Variants in CPVL observed in about 807,000 individuals in gnomAD.
The protein encoded by CPVL is probable serine carboxypeptidase CPVL.
In CPVL, 51 loss-of-function variants were observed where a neutral mutation model predicts 63.7. The observed-to-expected ratio is 0.80, with a 90% confidence interval of 0.64 to 1.01. CPVL has a LOEUF of 1.01. CPVL is among the 50% of genes least tolerant of loss of function. The pLI, the probability that CPVL is intolerant of heterozygous loss-of-function variation, is 0.00. For missense variants in CPVL, 530 were observed against 573.1 expected (o/e 0.92, Z 0.77); for synonymous variants, 195 against 206.0 (o/e 0.95, Z 0.46).
At chr7:29,066,429 C>T (rs1244871899) in intron 9 of CPVL, among the ~76,000 whole-genome samples, 1 of 152,034 alleles carries the variant, frequency 6.6e-6, no homozygotes, top group Non-Finnish European at 1.5e-5. Context: ...TAGGGAATGA[C>T]AAGGAGAAAA....
intron 12 of CPVL, among the ~76,000 whole-genome samples, chr7:29,015,603 C>T (rs1007190607): frequency 1.3e-5 from 2 of 152,170 alleles, no homozygotes; most frequent in Non-Finnish European, 1.5e-5. Context: ...TCATGCTTCC[C>T]GTACAGCCTG....
At chr7:29,065,872 G>T (rs1028752482) in intron 10 of CPVL, 151 bp downstream of exon 10, 1 of 488,896 alleles carries the variant, frequency 2.0e-6, no homozygotes. Flanking sequence ...ATGAGGAAAA[G>T]ATTCTATGGG....
chr7:29,140,378 G>A (rs1428171260), intron 1 of CPVL, among the ~76,000 whole-genome samples: 1 of 152,184 alleles, frequency 6.6e-6, no homozygotes, highest in Non-Finnish European at 1.5e-5. Context: ...TAACCATACA[G>A]TAAAGGGTGA....
intron 11 of CPVL, among the ~76,000 whole-genome samples, chr7:29,050,310 G>A (rs1046832828): frequency 1.3e-5 from 2 of 152,040 alleles, no homozygotes; most frequent in Non-Finnish European, 2.9e-5. Context: ...CAAAGCTTCT[G>A]GATACAAGAT....
chr7:29,195,129 A>G (rs1219179899), exon 1 of CPVL: 15 of 858,906 alleles, frequency 1.7e-5, no homozygotes, highest in Non-Finnish European at 2.5e-5. Context: ...CCGGGGTGAT[A>G]CTTGTTTGGT....
At chr7:29,138,943 T>C (rs996230888) in intron 1 of CPVL, among the ~76,000 whole-genome samples, 1 of 152,228 alleles carries the variant, frequency 6.6e-6, no homozygotes, top group Non-Finnish European at 1.5e-5. Context: ...TTTGGGTATG[T>C]GTCCTCCTTT....
At chr7:29,120,118 C>T (rs1156507204) in intron 2 of CPVL, among the ~76,000 whole-genome samples, 2 of 152,182 alleles carry the variant, frequency 1.3e-5, no homozygotes, top group Non-Finnish European at 2.9e-5. Flanking sequence ...CATATGACAT[C>T]AAGTCATTAA....
intron 4 of CPVL, chr7:29,184,380 A>AT (rs1387707917): frequency 6.6e-6 from 1 of 152,046 alleles, no homozygotes; most frequent in Non-Finnish European, 1.5e-5. Context: ...ACTGTATGAG[A>AT]TATACAGATA....
chr7:29,030,865 A>C, intron 11 of CPVL, 106 bp from the exon 12 acceptor site: 3 of 953,614 alleles, frequency 3.1e-6, no homozygotes, highest in Non-Finnish European at 4.6e-6. Context: ...AGAGACATGA[A>C]TCTCTCTGAG....
intron 5 of CPVL, among the ~76,000 whole-genome samples, chr7:29,173,130 CAAAA>C (rs56379349): frequency 7.5e-5 from 6 of 80,160 alleles, no homozygotes; most frequent in Non-Finnish European, 1.3e-4. Context: ...GACTCTGTAT[CAAAA>C]AAAAAAAAAA....
At chr7:29,155,191 C>G (rs1207441144) in intron 5 of CPVL, among the ~76,000 whole-genome samples, 1 of 151,922 alleles carries the variant, frequency 6.6e-6, no homozygotes, top group Non-Finnish European at 1.5e-5. Context: ...ATCACTCCAT[C>G]TCAAAAAAAT....
intron 3 of CPVL, among the ~76,000 whole-genome samples, chr7:29,103,251 T>TTG (rs79573409): frequency 0.23 from 30,754 of 136,090 alleles, 4,344 homozygotes; most frequent in East Asian, 0.39. Flanking sequence ...TTGTTTTGTT[T>TTG]TTTTTTTTTT....
chr7:29,180,543 CAA>C (rs10713261), intron 5 of CPVL, among the ~76,000 whole-genome samples: 3 of 134,972 alleles, frequency 2.2e-5, no homozygotes, highest in East Asian at 2.1e-4. Context: ...GACTCCATCT[CAA>C]AAAAAAAAAA....
chr7:29,099,065 CAAA>C (rs890355858), intron 3 of CPVL, among the ~76,000 whole-genome samples: 2 of 150,968 alleles, frequency 1.3e-5, no homozygotes, highest in African/African-American at 2.4e-5. Context: ...AACTCCGTCT[CAAA>C]AAAATAATAA....
rs542707065 is a variant in CPVL at position 29,115,462 on chromosome 7, C to T, written c.170-2640G>A. 6.6e-5 allele frequency among the ~76,000 whole-genome samples: 10 copies of T among 152,178 alleles called. No homozygotes were observed. The South Asian group carries it at 2.1e-3, about 32-fold the overall frequency. On this transcript the variant is annotated intron_variant, in intron 2 of 12. Transcript: ENST00000265394. ...TTGGGGAAAGTGGTTTTTGCCACTC[C>T]TCCCCTCCCACTCTTCCCGCCATCT...
Position 28,995,459 on chromosome 7 carries a change from T to C in CPVL, c.*313A>G, listed in dbSNP as rs1040158654. 4.1e-6 allele frequency: 1 copy of C among 242,986 alleles called. No individual in the cohort carries two copies. The highest frequency in any genetic ancestry group is 7.8e-6 in the Non-Finnish European group (1 of 128,422). 15.1% of individuals were successfully genotyped at this position (242,986 alleles called of 1,614,324 possible). A position where few individuals can be genotyped will look rare whatever the true frequency, so the allele number is the denominator to read the frequency against. On this transcript the variant is annotated 3_prime_UTR_variant, in exon 13 of 13. Coordinates refer to ENST00000265394, the MANE Select transcript of CPVL (RefSeq NM_031311.5). ...TGTTACAACTGCACTTTTCACTTACTCTTAGAAGAAATTAAAACTTCCTAT... is the reference window on the plus strand; with the variant it reads ...TGTTACAACTGCACTTTTCACTTACCCTTAGAAGAAATTAAAACTTCCTAT...
intron 3 of CPVL, among the ~76,000 whole-genome samples, chr7:29,112,203 C>T (rs1389563814): frequency 2.0e-5 from 3 of 152,130 alleles, no homozygotes; most frequent in African/African-American, 4.8e-5. Context: ...CTGTGGCCCC[C>T]ACAGAACAGA....
At chr7:29,100,013 G>GT (rs1786930615) in intron 3 of CPVL, among the ~76,000 whole-genome samples, 1 of 152,174 alleles carries the variant, frequency 6.6e-6, no homozygotes, top group Non-Finnish European at 1.5e-5. Flanking sequence ...GTGGAGCTGT[G>GT]TTTTGTTTAA....
chr7:29,110,756 C>T (rs1375207725), intron 3 of CPVL, among the ~76,000 whole-genome samples: 1 of 152,196 alleles, frequency 6.6e-6, no homozygotes, highest in African/African-American at 2.4e-5. Flanking sequence ...ATTAAAGTTG[C>T]TAATCAACTG....
Sources: gnomAD v4.1 joint callset for allele counts (sites outside exome capture counted in the v4.1 genomes callset) on GRCh38, gnomAD v4.1.1 for gene constraint, MANE v1.5 for transcripts, NCBI Gene and HGNC (gene_info 2026-07-23, HGNC 2026-07-21) for gene names.